Variants in SPATA7 observed in about 807,000 individuals in gnomAD.
SPATA7 encodes spermatogenesis-associated protein 7.
SPATA7 carries 43 observed loss-of-function variants against 51.8 expected under a neutral mutation model. The ratio of observed to expected loss-of-function variants is 0.83; its 90% CI spans 0.65 to 1.07. The LOEUF is 1.07. Ranked by LOEUF, SPATA7 falls within the 50% of genes least tolerant of loss-of-function variation. The probability of loss-of-function intolerance (pLI) is 0.00; values close to 1 mark genes in which losing one functional copy is unlikely to be tolerated. For synonymous variants in SPATA7, 230 were observed against 252.8 expected (o/e 0.91, Z 0.86); for missense variants, 683 against 701.3 (o/e 0.97, Z 0.30).
intron 3 of SPATA7, among the ~76,000 whole-genome samples, chr14:88,447,421 G>A (rs923539930): frequency 1.3e-5 from 2 of 151,278 alleles, no homozygotes; most frequent in East Asian, 1.9e-4. Flanking sequence ...ACACTGATGG[G>A]TCTTGACTCT....
At chr14:88,463,637 G>C (rs1194830222) in intron 4 of SPATA7, among the ~76,000 whole-genome samples, 2 of 152,124 alleles carry the variant, frequency 1.3e-5, no homozygotes, top group Non-Finnish European at 2.9e-5. Context: ...AACACCAAGA[G>C]TATTGTTTGC....
chr14:88,404,804 C>T (rs2076161595), intron 4 of SPATA7, among the ~76,000 whole-genome samples: 1 of 152,098 alleles, frequency 6.6e-6, no homozygotes, highest in Non-Finnish European at 1.5e-5. Context: ...ATTTAGTTTG[C>T]TAGAGTTTAT....
At chr14:88,423,374 C>CAAA (rs59070171) in intron 5 of SPATA7, among the ~76,000 whole-genome samples, 13 of 41,532 alleles carry the variant, frequency 3.1e-4, no homozygotes, top group African/African-American at 9.0e-4. Context: ...CCCATCTCTA[C>CAAA]AAAAAAAAAA....
At chr14:88,399,244 A>T (rs1015425616) in intron 4 of SPATA7, among the ~76,000 whole-genome samples, 1 of 152,020 alleles carries the variant, frequency 6.6e-6, no homozygotes, top group African/African-American at 2.4e-5. Context: ...GGAGAAAGTA[A>T]CTACCAGCTA....
At chr14:88,447,461 A>G (rs2077221889) in intron 3 of SPATA7, among the ~76,000 whole-genome samples, 1 of 152,068 alleles carries the variant, frequency 6.6e-6, no homozygotes. Context: ...GTATATTTTA[A>G]TTGGAGCATT....
chr14:88,418,580 T>C (rs1291103538), intron 5 of SPATA7, among the ~76,000 whole-genome samples: 3 of 152,184 alleles, frequency 2.0e-5, no homozygotes, highest in Admixed American at 6.5e-5. Flanking sequence ...GTTGAAGCAA[T>C]TCTCGTGCCT....
chr14:88,387,774 A>G (rs1300559346), intron 1 of SPATA7, among the ~76,000 whole-genome samples: 2 of 152,180 alleles, frequency 1.3e-5, no homozygotes, highest in African/African-American at 4.8e-5. Flanking sequence ...TATTTATAAA[A>G]TGGGGGCTTG....
At chr14:88,439,634 T>C (rs1254555784), downstream of SPATA7, among the ~76,000 whole-genome samples, 3 of 152,220 alleles carry the variant, frequency 2.0e-5, no homozygotes, top group African/African-American at 7.2e-5. Context: ...CTCGGGTTTT[T>C]ATCATCCTTT....
downstream of SPATA7, among the ~76,000 whole-genome samples, chr14:88,442,940 A>ATT (rs201523703): frequency 1.5e-4 from 19 of 124,268 alleles, no homozygotes; most frequent in African/African-American, 4.2e-4. Flanking sequence ...TTTGTTAGTA[A>ATT]TTTTTTTTTT....
At chr14:88,454,132 A>C (rs2140052844) in intron 3 of SPATA7, among the ~76,000 whole-genome samples, 1 of 152,276 alleles carries the variant, frequency 6.6e-6, no homozygotes, top group East Asian at 1.9e-4. Context: ...AACATATCTT[A>C]CAGTTCTGGA....
intron 3 of SPATA7, among the ~76,000 whole-genome samples, chr14:88,453,297 G>T (rs756024060): frequency 2.6e-5 from 4 of 152,176 alleles, no homozygotes; most frequent in Non-Finnish European, 4.4e-5. Flanking sequence ...GAAAGTTCAG[G>T]TTCCCCGTGT....
At chr14:88,401,134 A>G (rs1243899733) in intron 4 of SPATA7, among the ~76,000 whole-genome samples, 2 of 152,214 alleles carry the variant, frequency 1.3e-5, no homozygotes, top group Admixed American at 1.3e-4. Flanking sequence ...TTGCATGTTA[A>G]AAGAGTCAAA....
Position 88,426,268 on chromosome 14 carries a change from A to C in SPATA7, c.409A>C (p.Lys137Gln). 6.2e-7 allele frequency: 1 copy of C among 1,614,096 alleles called. No individual in the cohort carries two copies. The highest frequency in any genetic ancestry group is 8.5e-7 in the Non-Finnish European group (1 of 1,180,004). Residue 137 changes from lysine (K) to glutamine (Q), a missense_variant, in exon 6 of 12, where the codon AAA (lysine) becomes CAA (glutamine). Transcript: ENST00000393545. ...ACCGCAAATTGAGGATGACATGTTA[A>C]AAGAAGAAATGAATGGATTTTCATC... is the stretch of plus-strand genomic sequence containing the variant. ...GEPQIEDDMLKEEMNGFSSFA... is the reference protein window; with the variant it reads ...GEPQIEDDMLQEEMNGFSSFA...
intron 5 of SPATA7, among the ~76,000 whole-genome samples, chr14:88,425,973 C>A (rs2076778828): frequency 6.6e-6 from 1 of 152,086 alleles, no homozygotes; most frequent in African/African-American, 2.4e-5. Context: ...TTGAAGATCC[C>A]AAATATAGAT....
chr14:88,441,590 TGATA>T (rs1489867818), downstream of SPATA7, among the ~76,000 whole-genome samples: 2 of 152,214 alleles, frequency 1.3e-5, no homozygotes, highest in Non-Finnish European at 2.9e-5. Flanking sequence ...TGCAGTTCCT[TGATA>T]ATTAGTGATG....
chr14:88,394,591 G>A (rs2075831881), intron 3 of SPATA7, among the ~76,000 whole-genome samples: 1 of 152,002 alleles, frequency 6.6e-6, no homozygotes, highest in East Asian at 1.9e-4. Flanking sequence ...CTCACTTTTG[G>A]CCATTAGGAA....
intron 5 of SPATA7, among the ~76,000 whole-genome samples, chr14:88,417,316 T>TTTTA (rs1555374557): frequency 1.2e-4 from 18 of 144,042 alleles, no homozygotes; most frequent in African/African-American, 4.7e-4. Context: ...TTTTTTTTTT[T>TTTTA]TATATATATA....
intron 4 of SPATA7, among the ~76,000 whole-genome samples, chr14:88,462,534 G>A (rs1275518578): frequency 6.6e-6 from 1 of 152,170 alleles, no homozygotes; most frequent in African/African-American, 2.4e-5. Context: ...AAATGTCAGT[G>A]GTTTCACATT....
At chr14:88,386,158 C>A in intron 1 of SPATA7, 1 of 706,864 alleles carries the variant, frequency 1.4e-6, no homozygotes, top group Non-Finnish European at 2.1e-6. Flanking sequence ...TCTTTGGAGT[C>A]AGACCTCCCC....
Sources: gnomAD v4.1 joint callset for allele counts (sites outside exome capture counted in the v4.1 genomes callset) on GRCh38, gnomAD v4.1.1 for gene constraint, MANE v1.5 for transcripts, NCBI Gene and HGNC (gene_info 2026-07-23, HGNC 2026-07-21) for gene names.